SUGP2: variants seen among roughly 807,000 people sequenced by gnomAD.
The protein encoded by SUGP2 is SURP and G-patch domain containing 2.
Under a neutral mutation model 90.5 loss-of-function variants are expected in SUGP2, and 24 were observed. The observed-to-expected ratio is 0.27, with a 90% CI of 0.19 to 0.37. The LOEUF (loss-of-function observed/expected upper bound fraction) is 0.37. SUGP2 is among the 10% of genes least tolerant of loss of function. The pLI, the probability that SUGP2 is intolerant of heterozygous loss-of-function variation, is 1.00. For synonymous variants in SUGP2, 473 were observed against 513.4 expected, an observed-to-expected ratio of 0.92 and a Z score of 1.06; for missense variants, 1,233 against 1,363.3, an observed-to-expected ratio of 0.90 and a Z score of 1.51.
chr19:19,005,691 T>C (rs975880640), intron 6 of SUGP2, among the ~76,000 whole-genome samples: 2 of 152,090 alleles, frequency 1.3e-5, no homozygotes, highest in Non-Finnish European at 2.9e-5. Context: ...TACACATTTT[T>C]AGAGATGGGG....
In SUGP2 at chr19:18,993,266, T is replaced by C. The variant is rs2057437477; in HGVS notation, c.*475A>G. 6.6e-6 allele frequency: 1 copy of C among 152,196 alleles called. No individual in the cohort carries two copies. 9.4% of individuals were successfully genotyped at this position (152,196 alleles called of 1,614,324 possible). ...AGAGCTTTGGTACCCGAGTGCAGAC[T>C]TGGTAATTACCGGGAATTTGTCTCC... On this transcript the variant is annotated 3_prime_UTR_variant, in exon 11 of 11. Transcript: ENST00000452918.
At position 19,024,501 on chromosome 19, in the gene SUGP2, A is replaced by G. The variant is rs561437190; in HGVS notation, c.1729+118T>C. The stretch of plus-strand genomic sequence containing the variant: ...TATTGGCCAATGTGCGTTTTCTACT[A>G]AAATCCTGATATGTTTCCAATTGGC... On this transcript the variant is annotated intron_variant, in intron 3 of 10. Transcript: ENST00000452918. 9 of 1,213,702 alleles carry G rather than the reference A, an allele frequency of 7.4e-6. No individual in the cohort carries two copies. The African/African-American group carries it at 1.2e-4, about 16-fold the overall frequency. 75.2% of individuals were successfully genotyped at this position (1,213,702 alleles called of 1,614,324 possible).
chr19:19,028,768 G>T (rs1027324790), intron 2 of SUGP2, among the ~76,000 whole-genome samples: 1 of 151,958 alleles, frequency 6.6e-6, no homozygotes, highest in South Asian at 2.1e-4. Context: ...GTGCGATCTC[G>T]GCTCACTGCA....
At chr19:19,020,187 T>C (rs2058668696) in intron 3 of SUGP2, among the ~76,000 whole-genome samples, 1 of 151,850 alleles carries the variant, frequency 6.6e-6, no homozygotes, top group African/African-American at 2.4e-5. Context: ...CCCAGCACTT[T>C]GGAAGGCCAA....
chr19:19,016,826 T>C (rs1266996568), intron 4 of SUGP2, among the ~76,000 whole-genome samples: 1 of 152,224 alleles, frequency 6.6e-6, no homozygotes, highest in Non-Finnish European at 1.5e-5. Flanking sequence ...CAAGTGTTTA[T>C]TAAATAAAAA....
At chr19:19,032,207 G>A (rs1246706147) in intron 1 of SUGP2, among the ~76,000 whole-genome samples, 1 of 149,984 alleles carries the variant, frequency 6.7e-6, no homozygotes, top group Non-Finnish European at 1.5e-5. Flanking sequence ...TGCCCAGGCT[G>A]GAGTGCAGTG....
chr19:19,007,803 A>G (rs941076228), intron 6 of SUGP2, among the ~76,000 whole-genome samples: 1 of 122,008 alleles, frequency 8.2e-6, no homozygotes, highest in Non-Finnish European at 1.6e-5. Flanking sequence ...TCTGTTGCCC[A>G]GGCTGGAATG....
chr19:19,009,815 G>A, intron 5 of SUGP2, 40 bp downstream of exon 5: 5 of 1,558,174 alleles, frequency 3.2e-6, no homozygotes, highest in Non-Finnish European at 3.5e-6. Flanking sequence ...GGAGAGTAGG[G>A]ACTGGGGCCC....
intron 8 of SUGP2, among the ~76,000 whole-genome samples, chr19:18,999,956 G>A (rs1444445851): frequency 6.6e-6 from 1 of 152,166 alleles, no homozygotes; most frequent in Non-Finnish European, 1.5e-5. Context: ...CCACAAGCAG[G>A]TGTCACCCAC....
At position 19,004,653 on chromosome 19, in the gene SUGP2, C is replaced by T; in HGVS notation, c.2451-7G>A. Reference sequence around the variant, plus strand: ...ATTTTGGTCATGTAGAAACCTGGGGCACAGAGGAAATACATTGGGTAACCA... The same window carrying T: ...ATTTTGGTCATGTAGAAACCTGGGGTACAGAGGAAATACATTGGGTAACCA... On this transcript the variant is annotated splice_polypyrimidine_tract_variant and splice_region_variant and intron_variant, in intron 6 of 10. Transcript: ENST00000452918. 1 of 1,585,486 alleles carries T rather than the reference C, an allele frequency of 6.3e-7. No homozygotes were observed. The highest frequency in any genetic ancestry group is 1.7e-5 in the Admixed American group (1 of 58,264).
At chr19:19,018,058 A>G (rs10406162) in intron 4 of SUGP2, among the ~76,000 whole-genome samples, 1,835 of 151,944 alleles carry the variant, frequency 0.012, 53 homozygotes, top group African/African-American at 0.042. Flanking sequence ...AACCTGGCCA[A>G]CATGGTGAAA....
Position 19,024,908 on chromosome 19 carries a change from C to T in SUGP2, c.1440G>A (p.Leu480=), listed in dbSNP as rs1471651820. 1.9e-6 allele frequency: 3 copies of T among 1,614,152 alleles called. No homozygotes were observed. The highest frequency in any genetic ancestry group is 2.5e-6 in the Non-Finnish European group (3 of 1,180,044). The part of the protein sequence containing the change: ...ETTNSLCRKS[L]ALLGQTFSLA... ...AGGAAAATGTCTGTCCCAAAAGGGC[C>T]AAAGACTTCCGGCAGAGAGAGTTGG... is the stretch of plus-strand genomic sequence containing the variant. The change falls in exon 3 of 11, where the codon TTG becomes TTA. Residue 480 remains leucine (L), a synonymous_variant. Coordinates refer to ENST00000452918, the MANE Select transcript of SUGP2 (RefSeq NM_001017392.5).
At chr19:19,004,109 C>T in intron 7 of SUGP2, 59 bp downstream of exon 7, 2 of 1,354,086 alleles carry the variant, frequency 1.5e-6, no homozygotes, top group Non-Finnish European at 2.0e-6. Context: ...TTCTAACTCT[C>T]ACAGCCCACC....
intron 8 of SUGP2, among the ~76,000 whole-genome samples, chr19:18,995,938 CT>C: frequency 6.6e-6 from 1 of 152,132 alleles, no homozygotes; most frequent in Admixed American, 6.5e-5. Flanking sequence ...AGATGGAGAT[CT>C]GGAGACAGAC....
intron 10 of SUGP2, 107 bp downstream of exon 10, chr19:18,994,259 G>A (rs2057480770): frequency 9.7e-6 from 14 of 1,437,928 alleles, no homozygotes; most frequent in Middle Eastern, 1.8e-4. Context: ...TTTTGTGTGT[G>A]GCATTTTTGG....
chr19:19,008,903 C>A (rs1214339948), intron 5 of SUGP2, among the ~76,000 whole-genome samples: 3 of 152,070 alleles, frequency 2.0e-5, no homozygotes, highest in African/African-American at 4.8e-5. Flanking sequence ...CCGGACGCCT[C>A]CTGGTTGGTT....
At position 18,994,297 on chromosome 19, in the gene SUGP2, G is replaced by T. The variant is rs956771319; in HGVS notation, c.*69C>A. 6 of 1,562,424 alleles carry T rather than the reference G, an allele frequency of 3.8e-6. No homozygotes were observed. In the African/African-American group the frequency reaches 8.2e-5, roughly 21 times the overall value. On this transcript the variant is annotated intron_variant, in intron 10 of 10. Coordinates refer to ENST00000452918, the MANE Select transcript of SUGP2 (RefSeq NM_001017392.5). ...GAGCAGGGAACATCAACTTTGTTGG[G>T]GGAAATTTCTCTGCATACCAGCACG...
intron 2 of SUGP2, 27 bp from the exon 3 acceptor site, chr19:19,026,253 AAG>A (rs1026664757): frequency 6.0e-6 from 9 of 1,490,172 alleles, no homozygotes; most frequent in African/African-American, 4.2e-5. Flanking sequence ...AAAAAAAAAA[AAG>A]AAGAAGCCAA....
chr19:19,021,159 CAAAAAAAAAAA>C (rs386388689), intron 3 of SUGP2, among the ~76,000 whole-genome samples: 1 of 66,964 alleles, frequency 1.5e-5, no homozygotes, highest in Admixed American at 2.1e-4. Flanking sequence ...AATTCCATCT[CAAAAAAAAAAA>C]AAAAAAAAAA....
Sources: gnomAD v4.1 joint callset for allele counts (sites outside exome capture counted in the v4.1 genomes callset) on GRCh38, gnomAD v4.1.1 for gene constraint, MANE v1.5 for transcripts, NCBI Gene and HGNC (gene_info 2026-07-23, HGNC 2026-07-21) for gene names.